TECRL: variants seen among roughly 807,000 people sequenced by gnomAD.
TECRL encodes trans-2,3-enoyl-CoA reductase-like.
In TECRL, 63 loss-of-function variants were observed where a neutral mutation model predicts 52.8. The ratio of observed to expected loss-of-function variants is 1.19; its 90% confidence interval spans 0.97 to 1.47. TECRL has a LOEUF of 1.47. Among genes scored for constraint, TECRL ranks in the 40% most tolerant of loss-of-function variants. The pLI is 0.00. For synonymous variants in TECRL, 164 were observed against 141.9 expected, an observed-to-expected ratio of 1.16 and a Z score of -1.10; for missense variants, 482 against 429.6, an observed-to-expected ratio of 1.12 and a Z score of -1.08.
intron 1 of TECRL, among the ~76,000 whole-genome samples, chr4:64,386,439 A>G (rs570036830): frequency 2.6e-5 from 4 of 152,242 alleles, no homozygotes; most frequent in South Asian, 2.1e-4. Context: ...GTAGAGGTGG[A>G]AGAAAATCCA....
intron 1 of TECRL, among the ~76,000 whole-genome samples, chr4:64,385,919 G>C (rs1723150750): frequency 6.6e-6 from 1 of 152,136 alleles, no homozygotes; most frequent in African/African-American, 2.4e-5. Flanking sequence ...TGGGCTTCTT[G>C]CTTTACTTTC....
intron 8 of TECRL, among the ~76,000 whole-genome samples, chr4:64,291,731 G>A (rs1340572410): frequency 2.0e-5 from 3 of 151,812 alleles, no homozygotes; most frequent in Non-Finnish European, 4.4e-5. Context: ...TTAGAGCCTG[G>A]ATAGATTTAT....
intron 9 of TECRL, among the ~76,000 whole-genome samples, chr4:64,283,041 C>T (rs1722905936): frequency 6.6e-6 from 1 of 151,890 alleles, no homozygotes; most frequent in Non-Finnish European, 1.5e-5. Flanking sequence ...TTTCAGTACT[C>T]CCTATAGTTG....
chr4:64,401,461 T>C (rs1724357297), intron 1 of TECRL, among the ~76,000 whole-genome samples: 1 of 152,202 alleles, frequency 6.6e-6, no homozygotes, highest in South Asian at 2.1e-4. Flanking sequence ...AAGTGCCATC[T>C]TCAGCTAAAC....
chr4:64,380,521 T>C (rs1722709644), intron 1 of TECRL, among the ~76,000 whole-genome samples: 1 of 152,086 alleles, frequency 6.6e-6, no homozygotes, highest in Non-Finnish European at 1.5e-5. Flanking sequence ...CTTTTAGCAG[T>C]TTATGGTTTG....
chr4:64,353,128 A>G (rs187437159), intron 2 of TECRL, among the ~76,000 whole-genome samples: 13 of 152,330 alleles, frequency 8.5e-5, no homozygotes, highest in Non-Finnish European at 1.8e-4. Flanking sequence ...GTGTATAACT[A>G]TTTTTCTTTA....
intron 9 of TECRL, among the ~76,000 whole-genome samples, chr4:64,283,441 G>A (rs139581082): frequency 6.6e-6 from 1 of 152,174 alleles, no homozygotes; most frequent in Non-Finnish European, 1.5e-5. Context: ...GGTTCAGACA[G>A]ACAGCTAATG....
intron 8 of TECRL, among the ~76,000 whole-genome samples, chr4:64,295,027 G>A (rs969536100): frequency 2.0e-5 from 3 of 151,502 alleles, no homozygotes; most frequent in Non-Finnish European, 4.4e-5. Context: ...TTATATTACT[G>A]TGTTCATAAA....
chr4:64,408,156 A>G (rs980640783), intron 1 of TECRL, among the ~76,000 whole-genome samples: 8 of 151,850 alleles, frequency 5.3e-5, no homozygotes, highest in African/African-American at 1.9e-4. Context: ...AAGAAATTAT[A>G]TATTATGTGC....
chr4:64,289,804 C>T (rs763322145), intron 8 of TECRL, 37 bp from the exon 9 acceptor site: 2 of 1,374,790 alleles, frequency 1.5e-6, no homozygotes, highest in Non-Finnish European at 1.9e-6. Flanking sequence ...TGTGATACAC[C>T]TCTGCCTATT....
intron 1 of TECRL, among the ~76,000 whole-genome samples, chr4:64,403,259 T>C (rs1724482456): frequency 6.6e-6 from 1 of 152,024 alleles, no homozygotes; most frequent in Admixed American, 6.6e-5. Flanking sequence ...ATTTTAAATT[T>C]CCAAATCAAC....
intron 8 of TECRL, among the ~76,000 whole-genome samples, chr4:64,292,967 T>A (rs1325912033): frequency 6.6e-6 from 1 of 152,112 alleles, no homozygotes; most frequent in Non-Finnish European, 1.5e-5. Flanking sequence ...CTTACATTTT[T>A]ATGCGCAGGC....
chr4:64,369,458 A>G (rs1721836705), intron 2 of TECRL, among the ~76,000 whole-genome samples: 1 of 152,088 alleles, frequency 6.6e-6, no homozygotes, highest in African/African-American at 2.4e-5. Flanking sequence ...TCTAAAATGA[A>G]CTTTGTAGTT....
chr4:64,301,995 G>A (rs1243694783), intron 7 of TECRL, among the ~76,000 whole-genome samples: 1 of 150,962 alleles, frequency 6.6e-6, no homozygotes, highest in African/African-American at 2.4e-5. Flanking sequence ...ATTTAGATAG[G>A]TAAAAATAAC....
chr4:64,394,166 G>A (rs1002754363), intron 1 of TECRL, among the ~76,000 whole-genome samples: 5 of 152,002 alleles, frequency 3.3e-5, no homozygotes, highest in African/African-American at 4.8e-5. Context: ...GAATTATAAC[G>A]TCACTTTCAT....
In TECRL at chr4:64,309,837, T is replaced by G. The variant is rs1724561244; in HGVS notation, c.646A>C (p.Asn216His). 3 of 1,602,746 alleles carry G rather than the reference T, an allele frequency of 1.9e-6. No individual in the cohort carries two copies. Among genetic ancestry groups the G allele is most frequent in the African/African-American group, 1.3e-5 (1 of 74,738 alleles). Residue 216 changes from asparagine (N) to histidine (H), a missense_variant, in exon 6 of 12, where the codon AAT becomes CAT. Physicochemically the swap from Asn to His is moderately conservative, Grantham distance 68. Coordinates refer to ENST00000381210, the MANE Select transcript of TECRL (RefSeq NM_001010874.5). ...KVSAGHTPLKNLIMSCAFYWG... is the reference protein window; with the variant it reads ...KVSAGHTPLKHLIMSCAFYWG... ...CAAAGCATCCTCACCATTATCAAAT[T>G]TTTCAAAGGTGTGTGTCCTGCAGAA...
At chr4:64,331,951 C>T (rs1194153918) in intron 2 of TECRL, among the ~76,000 whole-genome samples, 1 of 152,150 alleles carries the variant, frequency 6.6e-6, no homozygotes, top group African/African-American at 2.4e-5. Context: ...TGACAAACTA[C>T]ATATTCCATC....
At chr4:64,315,732 C>T (rs1174405584) in intron 4 of TECRL, among the ~76,000 whole-genome samples, 2 of 151,842 alleles carry the variant, frequency 1.3e-5, no homozygotes, top group Non-Finnish European at 2.9e-5. Context: ...AATACATATG[C>T]ATGGTTTCAT....
intron 8 of TECRL, chr4:64,299,267 G>T (rs1723867208): frequency 6.6e-6 from 1 of 151,070 alleles, no homozygotes; most frequent in Non-Finnish European, 1.5e-5. Context: ...AAAATGGTTA[G>T]AAATAAGTTG....
Sources: allele counts gnomAD v4.1 joint callset (sites outside exome capture counted in the v4.1 genomes callset), GRCh38; gene constraint gnomAD v4.1.1; transcripts MANE v1.5; gene names NCBI Gene and HGNC (gene_info 2026-07-23, HGNC 2026-07-21).